The following HYLS1 variants were observed in gnomAD, a reference collection of about 807,000 sequenced individuals.
HYLS1 encodes the protein HYLS1 centriolar and ciliogenesis associated, also known as centriolar and ciliogenesis-associated protein HYLS1.
A neutral mutation model predicts 29.4 loss-of-function variants in HYLS1; 25 were observed. The observed-to-expected ratio is 0.85, with a 90% CI of 0.62 to 1.19. The LOEUF (loss-of-function observed/expected upper bound fraction) is 1.19. Among genes scored for constraint, HYLS1 ranks in the 50% most tolerant of loss-of-function variants. The pLI is 0.00. For missense variants in HYLS1, 352 were observed against 365.1 expected, an observed-to-expected ratio of 0.96 and a Z score of 0.29; for synonymous variants, 128 against 126.7, an observed-to-expected ratio of 1.01 and a Z score of -0.07.
intron 1 of HYLS1, 115 bp from the exon 2 acceptor site, chr11:125,891,305 ATCT>A (rs1326083585): frequency 6.6e-6 from 1 of 152,114 alleles, no homozygotes; most frequent in Non-Finnish European, 1.5e-5. Context: ...TAAGACCCTG[ATCT>A]TCTGATTCCT....
rs765100222 is a variant in HYLS1 at position 125,899,518 on chromosome 11, C to T, written c.150C>T (p.Pro50=). The T allele has an allele frequency of 8.7e-6, 14 of 1,614,032 alleles. No individual in the cohort carries two copies. The highest frequency in any genetic ancestry group is 1.7e-5 in the Admixed American group (1 of 59,998). Residue 50 remains proline, a synonymous_variant, in exon 3 of 3, where the codon CCC becomes CCT. Coordinates refer to ENST00000425380, the MANE Select transcript of HYLS1 (RefSeq NM_001134793.2). ...RREAQSIQYD[P]YSKASVAPGK... Reference sequence around the variant, plus strand: ...AAGCCCAATCTATCCAATATGATCCCTACAGTAAAGCTTCAGTAGCCCCAG... The same window carrying T: ...AAGCCCAATCTATCCAATATGATCCTTACAGTAAAGCTTCAGTAGCCCCAG...
intron 1 of HYLS1, among the ~76,000 whole-genome samples, chr11:125,888,438 G>T (rs1209159787): frequency 6.6e-6 from 1 of 152,182 alleles, no homozygotes; most frequent in East Asian, 1.9e-4. Context: ...GTGTGCTGGG[G>T]ATAATCTGTT....
intron 2 of HYLS1, chr11:125,893,983 G>T (rs1403659381): frequency 3.7e-6 from 6 of 1,614,106 alleles, no homozygotes; most frequent in Non-Finnish European, 5.1e-6. Flanking sequence ...ATTTAGGACG[G>T]TCCATGAGGG....
At chr11:125,892,591 G>A (rs1378661312) in intron 2 of HYLS1, among the ~76,000 whole-genome samples, 1 of 152,098 alleles carries the variant, frequency 6.6e-6, no homozygotes, top group Non-Finnish European at 1.5e-5. Context: ...GTTTTGAACA[G>A]CATATTTATT....
upstream of HYLS1, among the ~76,000 whole-genome samples, chr11:125,886,902 A>G (rs971440835): frequency 7.4e-6 from 1 of 135,516 alleles, no homozygotes; most frequent in Non-Finnish European, 1.6e-5. Flanking sequence ...CTGGGCAACA[A>G]GAGGGAAACT....
chr11:125,894,255 C>G (rs1210640644), intron 2 of HYLS1: 2 of 1,611,866 alleles, frequency 1.2e-6, no homozygotes, highest in Non-Finnish European at 1.7e-6. Flanking sequence ...AACTTACAGT[C>G]ATATAAGACT....
chr11:125,891,968 T>A (rs1005496986), intron 2 of HYLS1, among the ~76,000 whole-genome samples: 2 of 152,216 alleles, frequency 1.3e-5, no homozygotes, highest in Non-Finnish European at 2.9e-5. Flanking sequence ...TTGTCCCATG[T>A]GTTATTTGCA....
intron 1 of HYLS1, among the ~76,000 whole-genome samples, chr11:125,890,237 G>A (rs990231844): frequency 5.9e-5 from 3 of 50,480 alleles, no homozygotes; most frequent in Non-Finnish European, 1.2e-4. Flanking sequence ...GAGCCACTGC[G>A]CCCAGCTGTT....
intron 2 of HYLS1, among the ~76,000 whole-genome samples, chr11:125,898,022 T>A (rs1388932008): frequency 2.0e-5 from 3 of 152,218 alleles, no homozygotes; most frequent in Non-Finnish European, 4.4e-5. Context: ...AATGTCGGCC[T>A]GTGCTGATAT....
upstream of HYLS1, among the ~76,000 whole-genome samples, chr11:125,884,219 G>T (rs567360578): frequency 7.9e-5 from 12 of 152,312 alleles, no homozygotes; most frequent in South Asian, 1.9e-3. Context: ...TCCTGACCCA[G>T]TTAAGCAAAC....
At chr11:125,886,025 CAATAT>C (rs1352621318), upstream of HYLS1, among the ~76,000 whole-genome samples, 1 of 151,656 alleles carries the variant, frequency 6.6e-6, no homozygotes. Context: ...TTATATGTTA[CAATAT>C]AATAATAGAA....
intron 2 of HYLS1, chr11:125,896,340 G>A: frequency 6.7e-7 from 1 of 1,486,902 alleles, no homozygotes; most frequent in Non-Finnish European, 9.2e-7. Flanking sequence ...TCTGAAAAGA[G>A]AGCAAAGGGA....
intron 1 of HYLS1, among the ~76,000 whole-genome samples, chr11:125,890,818 TTTA>T (rs1285559647): frequency 6.6e-6 from 1 of 152,196 alleles, no homozygotes; most frequent in Non-Finnish European, 1.5e-5. Flanking sequence ...TTCTATTTTA[TTTA>T]TTGTTTGCAA....
At chr11:125,893,993 G>T (rs1216026676) in intron 2 of HYLS1, 3 of 1,613,966 alleles carry the variant, frequency 1.9e-6, no homozygotes, top group Non-Finnish European at 2.5e-6. Context: ...GTCCATGAGG[G>T]GCTTATATGT....
rs1451506634 is a variant in HYLS1 at position 125,895,170 on chromosome 11, C to T, written c.-26+3698C>T. On this transcript the variant is annotated intron_variant, in intron 2 of 2. Transcript: ENST00000425380. ...CAAGCAATTCTTGTGCCTCAAGCGT[C>T]CCGAGTAGCTGGGACTACAGGCATG... 7.0e-6 allele frequency: 10 copies of T among 1,434,424 alleles called. No individual in the cohort carries two copies. The East Asian group carries it at 1.8e-4, about 26-fold the overall frequency. 88.9% of individuals were successfully genotyped at this position (1,434,424 alleles called of 1,614,324 possible).
chr11:125,895,375 A>G (rs949560274), intron 2 of HYLS1: 2 of 1,614,096 alleles, frequency 1.2e-6, no homozygotes, highest in Non-Finnish European at 1.7e-6. Context: ...TCAAACTGAC[A>G]TAACTGGAAA....
chr11:125,893,700 A>G, intron 2 of HYLS1: 1 of 1,065,706 alleles, frequency 9.4e-7, no homozygotes, highest in South Asian at 2.2e-5. Context: ...CTGAATTCCT[A>G]GTACTTGCAA....
chr11:125,896,108 A>G (rs1158470944), intron 2 of HYLS1: 5 of 1,614,064 alleles, frequency 3.1e-6, no homozygotes, highest in Non-Finnish European at 4.2e-6. Context: ...TTCGGCCATG[A>G]GCACTGAAAT....
chr11:125,893,716 T>A (rs35782066), intron 2 of HYLS1: 60 of 540,220 alleles, frequency 1.1e-4, no homozygotes, highest in African/African-American at 2.5e-4. Flanking sequence ...TGCAAGTAAA[T>A]TTTTTTTTTT....
Sources: allele counts gnomAD v4.1 joint callset (sites outside exome capture counted in the v4.1 genomes callset), GRCh38; gene constraint gnomAD v4.1.1; transcripts MANE v1.5; gene names NCBI Gene and HGNC (gene_info 2026-07-23, HGNC 2026-07-21).